The following UNC13B variants were observed in gnomAD, a reference collection of about 807,000 sequenced individuals.
UNC13B encodes the protein unc-13 homolog B, also known as protein unc-13 homolog B.
In UNC13B, 144 loss-of-function variants were observed where a neutral mutation model predicts 211.0. The observed-to-expected ratio is 0.68, with a 90% confidence interval of 0.60 to 0.78. UNC13B has a LOEUF of 0.78. Among genes scored for constraint, UNC13B ranks in the 30% least tolerant of loss-of-function variants. UNC13B has a pLI of 0.00. For missense variants in UNC13B, 1,777 were observed against 2,002.0 expected (o/e 0.89, Z 2.14); for synonymous variants, 709 against 725.8 (o/e 0.98, Z 0.37).
At chr9:35,295,272 G>T (rs574640825) in intron 7 of UNC13B, among the ~76,000 whole-genome samples, 10 of 152,154 alleles carry the variant, frequency 6.6e-5, no homozygotes, top group Admixed American at 2.6e-4. Flanking sequence ...AAGTTTTGGG[G>T]TTTTTTTCCC....
In UNC13B at chr9:35,320,690, C is replaced by T. The variant is rs530076026; in HGVS notation, c.9414+6701C>T. On this transcript the variant is annotated intron_variant, in intron 11 of 39. Transcript: ENST00000635942. The stretch of plus-strand genomic sequence containing the variant: ...TCAGTTTTGGGGTAAAGTTTCTAGA[C>T]TCTTTGCATATTTTTTTCTACTGCA... Among the ~76,000 whole-genome samples, 37 of 152,260 alleles carry T rather than the reference C, an allele frequency of 2.4e-4. 2 individuals carry two copies. The East Asian group carries it at 7.1e-3, about 29-fold the overall frequency.
At chr9:35,242,754 G>A (rs1825878100) in intron 5 of UNC13B, among the ~76,000 whole-genome samples, 1 of 152,132 alleles carries the variant, frequency 6.6e-6, no homozygotes. Flanking sequence ...ACTTGGGTGT[G>A]CACATATCTC....
Position 35,302,017 on chromosome 9 carries a change from T to C in UNC13B, c.2613T>C (p.His871=), listed in dbSNP as rs1214494986. ...LNLPFFRSLG[H]SEKQQELKEK... is the part of the protein sequence containing the mutation. ...TTCCATTTTTTAGAAGTCTTGGTCA[T>C]TCTGAAAAGCAACAGGAGTTAAAAG... The change falls in exon 9 of 40, where the codon CAT becomes CAC. Residue 871 remains histidine, a synonymous_variant. Coordinates refer to ENST00000635942, the MANE Select transcript of UNC13B (RefSeq NM_001371189.2). 1 of 398,638 alleles carries C rather than the reference T, an allele frequency of 2.5e-6. No individual in the cohort carries two copies. The highest frequency in any genetic ancestry group is 4.4e-6 in the Non-Finnish European group (1 of 225,826). 24.7% of individuals were successfully genotyped at this position (398,638 alleles called of 1,614,324 possible).
At chr9:35,205,156 A>G (rs1011920410) in intron 1 of UNC13B, among the ~76,000 whole-genome samples, 9 of 152,108 alleles carry the variant, frequency 5.9e-5, no homozygotes, top group African/African-American at 1.2e-4. Flanking sequence ...GTGAAGTGCT[A>G]TATCTCCCTT....
chr9:35,351,315 G>A (rs1832704767), intron 11 of UNC13B: 1 of 1,216,878 alleles, frequency 8.2e-7, no homozygotes, highest in Non-Finnish European at 1.0e-6. Context: ...ATCAAGCCAG[G>A]ATCCAGGGGC....
chr9:35,268,150 C>G (rs1168808327), intron 7 of UNC13B, among the ~76,000 whole-genome samples: 1 of 152,086 alleles, frequency 6.6e-6, no homozygotes, highest in East Asian at 1.9e-4. Context: ...AATTATGAAG[C>G]TCCTCCTCAC....
chr9:35,237,488 G>A (rs779247450), intron 4 of UNC13B, among the ~76,000 whole-genome samples: 2 of 152,168 alleles, frequency 1.3e-5, no homozygotes, highest in South Asian at 4.1e-4. Context: ...TAGACCTGCA[G>A]AGCTGAGCAC....
At chr9:35,195,448 T>C (rs1822884287) in intron 1 of UNC13B, among the ~76,000 whole-genome samples, 1 of 151,260 alleles carries the variant, frequency 6.6e-6, no homozygotes, top group Non-Finnish European at 1.5e-5. Flanking sequence ...CCAAAAACCT[T>C]GGGCACATGT....
intron 1 of UNC13B, among the ~76,000 whole-genome samples, chr9:35,163,397 T>C (rs2131223550): frequency 6.6e-6 from 1 of 152,352 alleles, no homozygotes; most frequent in East Asian, 1.9e-4. Context: ...TCTGTTCTCT[T>C]CCACTATTTT....
intron 1 of UNC13B, among the ~76,000 whole-genome samples, chr9:35,182,285 T>C (rs548169358): frequency 6.6e-6 from 1 of 152,108 alleles, no homozygotes; most frequent in Non-Finnish European, 1.5e-5. Context: ...TAACTTAATA[T>C]TCTTTCTCAT....
intron 1 of UNC13B, among the ~76,000 whole-genome samples, chr9:35,195,811 C>T (rs544341951): frequency 1.3e-4 from 19 of 151,996 alleles, no homozygotes; most frequent in South Asian, 4.2e-4. Context: ...TTTTTTTCCT[C>T]CCCCTCCTTC....
At chr9:35,397,777 A>T in intron 30 of UNC13B, 65 bp downstream of exon 30, 1 of 1,560,576 alleles carries the variant, frequency 6.4e-7, no homozygotes, top group Non-Finnish European at 8.8e-7. Flanking sequence ...TTGCTTTTGA[A>T]GCTGTCCTCA....
chr9:35,386,345 TCA>T, intron 24 of UNC13B, 52 bp downstream of exon 24: 1 of 1,608,724 alleles, frequency 6.2e-7, no homozygotes, highest in Non-Finnish European at 8.5e-7. Flanking sequence ...CTTTGGAGCC[TCA>T]GTTTTCCTTC....
chr9:35,257,556 G>T (rs1826996676), intron 6 of UNC13B, among the ~76,000 whole-genome samples: 1 of 127,496 alleles, frequency 7.8e-6, no homozygotes, highest in South Asian at 2.5e-4. Flanking sequence ...ACTCCAGCCT[G>T]GGAGAAAGAG....
At chr9:35,267,011 A>T (rs1434900341) in intron 7 of UNC13B, among the ~76,000 whole-genome samples, 1 of 152,204 alleles carries the variant, frequency 6.6e-6, no homozygotes, top group Non-Finnish European at 1.5e-5. Context: ...GAATCTCCCA[A>T]TTTCTAAGAA....
At chr9:35,239,828 TCCGC>T (rs1204570554) in intron 5 of UNC13B, among the ~76,000 whole-genome samples, 1 of 152,234 alleles carries the variant, frequency 6.6e-6, no homozygotes, top group Admixed American at 6.5e-5. Flanking sequence ...ATGGCTCTGT[TCCGC>T]CCGGCCCACA....
At chr9:35,253,679 A>G (rs7040048) in intron 6 of UNC13B, among the ~76,000 whole-genome samples, 22,126 of 152,180 alleles carry the variant, frequency 0.15, 1,868 homozygotes, top group Admixed American at 0.25. Flanking sequence ...CTACCACTTT[A>G]CAGAGTTGGA....
intron 26 of UNC13B, among the ~76,000 whole-genome samples, chr9:35,394,075 G>A (rs79765651): frequency 4.5e-4 from 69 of 152,244 alleles, no homozygotes; most frequent in Non-Finnish European, 8.8e-4. Context: ...AGGTAATAGC[G>A]TGGCTAGAAG....
intron 7 of UNC13B, among the ~76,000 whole-genome samples, chr9:35,287,467 C>T (rs1442001268): frequency 2.0e-5 from 3 of 152,198 alleles, no homozygotes; most frequent in African/African-American, 7.2e-5. Flanking sequence ...TACAAGAGTT[C>T]CAGTTGCTCC....
Sources: gnomAD v4.1 joint callset for allele counts (sites outside exome capture counted in the v4.1 genomes callset) on GRCh38, gnomAD v4.1.1 for gene constraint, MANE v1.5 for transcripts, NCBI Gene and HGNC (gene_info 2026-07-23, HGNC 2026-07-21) for gene names.